The following GALNT13 variants were observed in gnomAD, a reference collection of about 807,000 sequenced individuals.
GALNT13 encodes the protein UDP-GalNAc:polypeptide N-acetylgalactosaminyltransferase 13.
A neutral mutation model predicts 64.2 loss-of-function variants in GALNT13; 28 were observed. The ratio of observed to expected loss-of-function variants is 0.44; its 90% CI spans 0.32 to 0.60. GALNT13 has a LOEUF of 0.60. Among genes scored for constraint, GALNT13 ranks in the 20% least tolerant of loss-of-function variants. The pLI, the probability that GALNT13 is intolerant of heterozygous loss-of-function variation, is 0.05. For missense variants in GALNT13, 577 were observed against 669.8 expected (o/e 0.86, Z 1.53); for synonymous variants, 214 against 224.6 (o/e 0.95, Z 0.42).
intron 4 of GALNT13, among the ~76,000 whole-genome samples, chr2:154,173,171 C>T (rs905299004): frequency 1.3e-5 from 2 of 151,876 alleles, no homozygotes; most frequent in South Asian, 4.2e-4. Context: ...AGATATAAAT[C>T]CACGTATTTA....
intron 4 of GALNT13, among the ~76,000 whole-genome samples, chr2:154,143,717 C>T (rs868238118): frequency 1.1e-4 from 16 of 151,714 alleles, no homozygotes; most frequent in Non-Finnish European, 1.6e-4. Context: ...AAAAATTAGC[C>T]AGGTGTGGTG....
chr2:154,306,991 A>ATT (rs34442308), intron 9 of GALNT13, among the ~76,000 whole-genome samples: 120 of 141,176 alleles, frequency 8.5e-4, no homozygotes, highest in African/African-American at 3.0e-3. Context: ...AAGGGCTGTT[A>ATT]TTTTTTTTTT....
At chr2:154,002,199 G>A (rs1186077872) in intron 3 of GALNT13, among the ~76,000 whole-genome samples, 1 of 152,036 alleles carries the variant, frequency 6.6e-6, no homozygotes, top group Non-Finnish European at 1.5e-5. Context: ...ATACCTGGAT[G>A]TTGTTGTTAT....
the GALNT13 span, among the ~76,000 whole-genome samples, chr2:153,331,135 G>A: frequency 1.3e-5 from 2 of 151,964 alleles, no homozygotes; most frequent in Admixed American, 6.6e-5. Context: ...ACATGATCAT[G>A]TTGAAATAAC....
chr2:154,414,321 G>A (rs542040526), intron 11 of GALNT13, among the ~76,000 whole-genome samples: 1 of 152,056 alleles, frequency 6.6e-6, no homozygotes, highest in South Asian at 2.1e-4. Context: ...GAAGTAGATA[G>A]TGTTATTATC....
intron 3 of GALNT13, among the ~76,000 whole-genome samples, chr2:154,136,172 GAA>G (rs2105564922): frequency 6.6e-6 from 1 of 152,250 alleles, no homozygotes; most frequent in East Asian, 1.9e-4. Flanking sequence ...CCAATGAAAA[GAA>G]AGATTTTAAA....
At chr2:153,220,806 A>T in the GALNT13 span, among the ~76,000 whole-genome samples, 1 of 152,260 alleles carries the variant, frequency 6.6e-6, no homozygotes, top group South Asian at 2.1e-4. Flanking sequence ...AGAAAAAATA[A>T]TAAATAGAAA....
the GALNT13 span, among the ~76,000 whole-genome samples, chr2:153,082,334 A>C: frequency 2.6e-5 from 4 of 151,388 alleles, no homozygotes; most frequent in Non-Finnish European, 5.9e-5. Context: ...CAAATCCCCA[A>C]AGTCTATTAT....
At chr2:154,220,386 G>A (rs910483141) in intron 4 of GALNT13, among the ~76,000 whole-genome samples, 2 of 152,002 alleles carry the variant, frequency 1.3e-5, no homozygotes, top group Non-Finnish European at 2.9e-5. Context: ...AGAGAAATTA[G>A]TTATTCTGAT....
At chr2:154,216,112 A>G (rs1688027858) in intron 4 of GALNT13, among the ~76,000 whole-genome samples, 1 of 152,100 alleles carries the variant, frequency 6.6e-6, no homozygotes, top group South Asian at 2.1e-4. Flanking sequence ...TATTTTTGAT[A>G]TATACACACA....
At chr2:154,311,454 G>A (rs967328970) in intron 9 of GALNT13, among the ~76,000 whole-genome samples, 2 of 152,064 alleles carry the variant, frequency 1.3e-5, no homozygotes, top group Admixed American at 6.6e-5. Flanking sequence ...AAAAGGGGAG[G>A]GAGTATACGA....
the GALNT13 span, among the ~76,000 whole-genome samples, chr2:153,611,233 G>T: frequency 6.6e-6 from 1 of 152,062 alleles, no homozygotes; most frequent in African/African-American, 2.4e-5. Flanking sequence ...CCAAGTATTT[G>T]GGTTCAAAGT....
the GALNT13 span, among the ~76,000 whole-genome samples, chr2:153,736,944 C>T: frequency 6.6e-6 from 1 of 152,212 alleles, no homozygotes. Flanking sequence ...ACATTCTATG[C>T]AGAATTGCTT....
chr2:154,154,193 G>A (rs1174627255), intron 4 of GALNT13, among the ~76,000 whole-genome samples: 1 of 152,124 alleles, frequency 6.6e-6, no homozygotes, highest in South Asian at 2.1e-4. Context: ...AGAGTTCACA[G>A]CAATTAAATC....
chr2:154,318,873 ACG>A (rs1280600643), intron 9 of GALNT13, among the ~76,000 whole-genome samples: 2 of 152,188 alleles, frequency 1.3e-5, no homozygotes, highest in Non-Finnish European at 2.9e-5. Flanking sequence ...AAGTATACAC[ACG>A]CGCGCGCACA....
chr2:153,353,828 T>C, the GALNT13 span, among the ~76,000 whole-genome samples: 6 of 152,208 alleles, frequency 3.9e-5, no homozygotes, highest in Non-Finnish European at 7.4e-5. Context: ...ATTCTTTTGA[T>C]ATATCTTTGG....
the GALNT13 span, among the ~76,000 whole-genome samples, chr2:153,082,745 A>G: frequency 6.9e-6 from 1 of 144,702 alleles, no homozygotes; most frequent in African/African-American, 2.5e-5. Flanking sequence ...TATATATATT[A>G]TTTATTGAAT....
At chr2:154,045,006 A>G (rs188737874) in intron 3 of GALNT13, among the ~76,000 whole-genome samples, 1 of 152,184 alleles carries the variant, frequency 6.6e-6, no homozygotes, top group Admixed American at 6.5e-5. Flanking sequence ...ACCAGGGAAA[A>G]ACAGAGGGCT....
At chr2:153,284,953 A>G in the GALNT13 span, among the ~76,000 whole-genome samples, 1 of 151,646 alleles carries the variant, frequency 6.6e-6, no homozygotes, top group Non-Finnish European at 1.5e-5. Context: ...ACACATGCAT[A>G]TGTGCATTCA....
Sources: allele counts gnomAD v4.1 joint callset (sites outside exome capture counted in the v4.1 genomes callset), GRCh38; gene constraint gnomAD v4.1.1; transcripts MANE v1.5; gene names NCBI Gene and HGNC (gene_info 2026-07-23, HGNC 2026-07-21).